USP32: variants seen among roughly 807,000 people sequenced by gnomAD.
USP32 encodes the protein ubiquitin carboxyl-terminal hydrolase 32.
A neutral mutation model predicts 204.8 loss-of-function variants in USP32; 59 were observed. That is an observed-to-expected ratio of 0.29 (90% CI 0.23 to 0.36). The LOEUF (loss-of-function observed/expected upper bound fraction) is 0.36, where lower values mean the gene tolerates loss of function less well. Among genes scored for constraint, USP32 ranks in the 10% least tolerant of loss-of-function variants. The pLI, the probability that USP32 is intolerant of heterozygous loss-of-function variation, is 1.00. For synonymous variants in USP32, 517 were observed against 678.4 expected (o/e 0.76, Z 3.70); for missense variants, 1,160 against 1,946.4 (o/e 0.60, Z 7.60).
At chr17:60,267,398 C>T (rs971890863) in intron 7 of USP32, among the ~76,000 whole-genome samples, 10 of 151,996 alleles carry the variant, frequency 6.6e-5, no homozygotes, top group Non-Finnish European at 1.3e-4. Context: ...TGCGAGACTT[C>T]GTCTCAAAAA....
chr17:60,179,178 T>G lies in USP32; in HGVS notation c.*77A>C, dbSNP rs2084037028. 33 of 1,500,212 alleles carry G rather than the reference T, an allele frequency of 2.2e-5. No individual in the cohort carries two copies. Among genetic ancestry groups the G allele is most frequent in the Non-Finnish European group, 3.0e-5 (33 of 1,110,084 alleles). 92.9% of individuals were successfully genotyped at this position (1,500,212 alleles called of 1,614,324 possible). On this transcript the variant is annotated 3_prime_UTR_variant, in exon 34 of 34. Transcript: ENST00000300896. ...TAACTACATTTAGCTTGCCTTTCAG[T>G]GACGCTTTTGCCAAATGTCAGCTAC...
At chr17:60,313,045 GT>G (rs2087891698) in intron 2 of USP32, among the ~76,000 whole-genome samples, 1 of 152,164 alleles carries the variant, frequency 6.6e-6, no homozygotes, top group Non-Finnish European at 1.5e-5. Flanking sequence ...GAGGTCAGGA[GT>G]TTGAAACCAG....
intron 9 of USP32, among the ~76,000 whole-genome samples, chr17:60,259,654 C>A (rs2145740937): frequency 6.6e-6 from 1 of 152,242 alleles, no homozygotes; most frequent in Non-Finnish European, 1.5e-5. Context: ...ACTCAATGAG[C>A]CTCCCATATT....
chr17:60,182,459 T>C (rs1181908145), intron 31 of USP32, among the ~76,000 whole-genome samples: 1 of 152,232 alleles, frequency 6.6e-6, no homozygotes, highest in Non-Finnish European at 1.5e-5. Flanking sequence ...ATTGTCTTAG[T>C]ATTTTTATGA....
intron 2 of USP32, among the ~76,000 whole-genome samples, chr17:60,333,703 GA>G (rs2088445783): frequency 6.6e-6 from 1 of 151,058 alleles, no homozygotes; most frequent in South Asian, 2.1e-4. Flanking sequence ...GAGGAGAGGA[GA>G]GGGGAGGGGG....
At chr17:60,292,652 G>A (rs750317481) in intron 4 of USP32, among the ~76,000 whole-genome samples, 8 of 151,880 alleles carry the variant, frequency 5.3e-5, no homozygotes, top group Non-Finnish European at 1.0e-4. Context: ...GCTACACCAT[G>A]TTCTAAATGA....
chr17:60,282,662 T>G (rs2086997103), intron 5 of USP32, among the ~76,000 whole-genome samples: 1 of 152,200 alleles, frequency 6.6e-6, no homozygotes, highest in African/African-American at 2.4e-5. Context: ...AAACATAGTC[T>G]ACTTTTATGA....
At chr17:60,420,369 A>T (rs921108354) in intron 1 of USP32, among the ~76,000 whole-genome samples, 1 of 152,260 alleles carries the variant, frequency 6.6e-6, no homozygotes, top group South Asian at 2.1e-4. Flanking sequence ...GTAGATTTTT[A>T]AAAAAGACTC....
chr17:60,412,523 A>G (rs2090026508), intron 1 of USP32, among the ~76,000 whole-genome samples: 2 of 148,814 alleles, frequency 1.3e-5, no homozygotes. Flanking sequence ...TGACAGAGTG[A>G]TACCCTGTTT....
At chr17:60,278,325 G>C (rs921541602) in intron 5 of USP32, among the ~76,000 whole-genome samples, 34 of 151,944 alleles carry the variant, frequency 2.2e-4, no homozygotes, top group Non-Finnish European at 3.2e-4. Context: ...TATGTTTAGA[G>C]ATGAGAAGTG....
In USP32 at chr17:60,223,463, T is replaced by C; in HGVS notation, c.1556A>G (p.Gln519Arg). 5 of 1,613,628 alleles carry C rather than the reference T, an allele frequency of 3.1e-6. No homozygotes were observed. The highest frequency in any genetic ancestry group is 4.2e-6 in the Non-Finnish European group (5 of 1,179,914). Residue 519 changes from glutamine to arginine, a missense_variant, in exon 14 of 34, where the codon CAG (glutamine) becomes CGG (arginine). Around this residue, in one of 8 missense-constraint regions of USP32, gnomAD observed 536 missense variants for 680.9 expected, o/e 0.79. Coordinates refer to ENST00000300896, the MANE Select transcript of USP32 (RefSeq NM_032582.4). The part of the protein sequence containing the change: ...NGNILLHLNP[Q>R]KPGAIDNQPL... ...CTGATTATCAATAGCCCCTGGTTTCTGAGGGTTAAGGTGCAACAAAATATT... is the reference window on the plus strand; with the variant it reads ...CTGATTATCAATAGCCCCTGGTTTCCGAGGGTTAAGGTGCAACAAAATATT...
chr17:60,397,055 T>C (rs765657592), upstream of USP32, among the ~76,000 whole-genome samples: 2 of 152,228 alleles, frequency 1.3e-5, no homozygotes, highest in Non-Finnish European at 2.9e-5. Flanking sequence ...ATGTGGCAGC[T>C]GGACTGTACA....
intron 1 of USP32, among the ~76,000 whole-genome samples, chr17:60,350,049 T>C (rs1356028161): frequency 6.6e-6 from 1 of 151,864 alleles, no homozygotes; most frequent in Non-Finnish European, 1.5e-5. Context: ...GATCTCACTC[T>C]GTCACCCAGG....
chr17:60,210,151 A>G (rs1567768724), intron 21 of USP32, among the ~76,000 whole-genome samples: 1 of 152,060 alleles, frequency 6.6e-6, no homozygotes, highest in Non-Finnish European at 1.5e-5. Context: ...AGAGGTAAGT[A>G]GTCAAATGTG....
At position 60,300,649 on chromosome 17, in the gene USP32, C is replaced by T. The variant is rs746003083; in HGVS notation, c.292+950G>A. Among the ~76,000 whole-genome samples, 304 of 152,286 alleles carry T rather than the reference C, an allele frequency of 2.0e-3. 1 individual carries two copies. Among genetic ancestry groups the T allele is most frequent in the Non-Finnish European group, 1.8e-3 (120 of 68,024 alleles). ...TTGTGAAACAAATAGACTACTATGT[C>T]TATGTCATCAGAATTTTAAAAAATA... is the stretch of plus-strand genomic sequence containing the variant. On this transcript the variant is annotated intron_variant, in intron 3 of 33. Coordinates refer to ENST00000300896, the MANE Select transcript of USP32 (RefSeq NM_032582.4).
chr17:60,405,504 TG>T (rs1567898520), intron 1 of USP32, among the ~76,000 whole-genome samples: 1 of 152,100 alleles, frequency 6.6e-6, no homozygotes, highest in Non-Finnish European at 1.5e-5. Flanking sequence ...TGTGCCTGGC[TG>T]AAGCTGTTAG....
At chr17:60,264,250 T>C (rs1656710197) in intron 9 of USP32, among the ~76,000 whole-genome samples, 1 of 151,802 alleles carries the variant, frequency 6.6e-6, no homozygotes, top group African/African-American at 2.4e-5. Flanking sequence ...GCCAGCACAG[T>C]GGCTCATACC....
intron 2 of USP32, among the ~76,000 whole-genome samples, chr17:60,340,182 T>G (rs1241947937): frequency 6.6e-6 from 1 of 152,202 alleles, no homozygotes; most frequent in Non-Finnish European, 1.5e-5. Context: ...TTACCTTGTT[T>G]ATAAATCCCA....
chr17:60,361,603 C>A (rs1221091808), intron 1 of USP32, among the ~76,000 whole-genome samples: 1 of 152,138 alleles, frequency 6.6e-6, no homozygotes, highest in Non-Finnish European at 1.5e-5. Context: ...TTTACATTCC[C>A]ACAATTGTGC....
Sources: gnomAD v4.1 joint callset for allele counts (sites outside exome capture counted in the v4.1 genomes callset) on GRCh38, gnomAD v4.1.1 for gene constraint, gnomAD v4.1.1 regional missense constraint, MANE v1.5 for transcripts, NCBI Gene and HGNC (gene_info 2026-07-23, HGNC 2026-07-21) for gene names.